ERBB4: variants seen among roughly 807,000 people sequenced by gnomAD.
The protein encoded by ERBB4 is receptor tyrosine-protein kinase erbB-4.
In ERBB4, 42 loss-of-function variants were observed where a neutral mutation model predicts 158.0. The ratio of observed to expected loss-of-function variants is 0.27; its 90% CI spans 0.21 to 0.34. ERBB4 has a LOEUF of 0.34. Ranked by LOEUF, ERBB4 falls within the 10% of genes least tolerant of loss-of-function variation. The pLI is 1.00. For synonymous variants in ERBB4, 583 were observed against 558.7 expected (o/e 1.04, Z -0.61); for missense variants, 1,333 against 1,624.1 (o/e 0.82, Z 3.08).
chr2:211,713,428 T>C, intron 8 of ERBB4, 107 bp downstream of exon 8: 1 of 728,224 alleles, frequency 1.4e-6, no homozygotes, highest in Non-Finnish European at 2.5e-6. Context: ...TGGGTAGGTT[T>C]GGTTGTGAGA....
chr2:212,466,717 A>C (rs181189646), intron 1 of ERBB4, among the ~76,000 whole-genome samples: 1 of 152,334 alleles, frequency 6.6e-6, no homozygotes, highest in East Asian at 1.9e-4. Flanking sequence ...AATGCAGTAC[A>C]TTGGTACCAG....
chr2:212,432,039 C>A (rs570369541), intron 1 of ERBB4, among the ~76,000 whole-genome samples: 1 of 152,200 alleles, frequency 6.6e-6, no homozygotes, highest in East Asian at 1.9e-4. Flanking sequence ...GATTGTTTTC[C>A]AATGATTAGA....
intron 3 of ERBB4, among the ~76,000 whole-genome samples, chr2:211,878,996 G>T (rs571827710): frequency 1.2e-4 from 18 of 152,192 alleles, no homozygotes; most frequent in African/African-American, 4.3e-4. Context: ...ATTTATGTGT[G>T]TCCTCTAACC....
chr2:211,384,142 T>G, intron 27 of ERBB4, 82 bp from the exon 28 acceptor site: 1 of 1,012,296 alleles, frequency 9.9e-7, no homozygotes. Flanking sequence ...ATGGTTAGCT[T>G]CTTTGTCTAG....
At chr2:212,173,214 T>A (rs1410643307) in intron 1 of ERBB4, among the ~76,000 whole-genome samples, 1 of 151,862 alleles carries the variant, frequency 6.6e-6, no homozygotes, top group Admixed American at 6.6e-5. Flanking sequence ...GATTTTGTAT[T>A]CAAGAAAGAA....
chr2:211,440,043 C>CA (rs2063939099), intron 20 of ERBB4, among the ~76,000 whole-genome samples: 2 of 151,986 alleles, frequency 1.3e-5, no homozygotes, highest in African/African-American at 4.8e-5. Context: ...TTAAGAAAAC[C>CA]AAAAAATAAA....
At chr2:211,738,168 C>T (rs184858091) in intron 5 of ERBB4, among the ~76,000 whole-genome samples, 76 of 151,948 alleles carry the variant, frequency 5.0e-4, no homozygotes, top group Admixed American at 2.4e-3. Context: ...CAAGCTCATA[C>T]TTTCTTTCTT....
At chr2:211,561,655 C>T (rs886658286) in intron 20 of ERBB4, 6 of 496,400 alleles carry the variant, frequency 1.2e-5, no homozygotes, top group Admixed American at 9.7e-5. Flanking sequence ...CCCTGACTAC[C>T]AAGCTATTTG....
intron 20 of ERBB4, among the ~76,000 whole-genome samples, chr2:211,505,083 A>G (rs1288767432): frequency 2.6e-5 from 4 of 152,100 alleles, no homozygotes; most frequent in Admixed American, 2.0e-4. Context: ...AGATATCCAG[A>G]TACAAGAGAT....
At chr2:211,434,234 A>C (rs2063803053) in intron 20 of ERBB4, among the ~76,000 whole-genome samples, 1 of 152,192 alleles carries the variant, frequency 6.6e-6, no homozygotes, top group Non-Finnish European at 1.5e-5. Flanking sequence ...TTCACCAAAA[A>C]ATTTAAAACT....
intron 12 of ERBB4, among the ~76,000 whole-genome samples, chr2:211,689,465 T>C (rs930893639): frequency 6.6e-6 from 1 of 152,164 alleles, no homozygotes; most frequent in South Asian, 2.1e-4. Context: ...CCCAAAGTGC[T>C]GGGATTACAG....
intron 5 of ERBB4, among the ~76,000 whole-genome samples, chr2:211,741,381 C>T (rs573128632): frequency 2.2e-4 from 34 of 151,826 alleles, no homozygotes; most frequent in African/African-American, 8.0e-4. Flanking sequence ...GCTATCTGCA[C>T]AACACCCCAC....
intron 12 of ERBB4, among the ~76,000 whole-genome samples, chr2:211,683,483 C>T (rs1472847962): frequency 6.6e-6 from 1 of 152,078 alleles, no homozygotes; most frequent in African/African-American, 2.4e-5. Context: ...AATACATATG[C>T]AGAGATTCAT....
intron 1 of ERBB4, among the ~76,000 whole-genome samples, chr2:212,481,602 C>T (rs1689701107): frequency 6.6e-6 from 1 of 152,088 alleles, no homozygotes; most frequent in Admixed American, 6.6e-5. Context: ...CTTTTCAACG[C>T]TAAAACAACA....
At chr2:212,399,809 G>C (rs527332183) in intron 1 of ERBB4, among the ~76,000 whole-genome samples, 277 of 151,814 alleles carry the variant, frequency 1.8e-3, no homozygotes, top group Admixed American at 3.2e-3. Context: ...AATCCAGGAG[G>C]TGGAGGTTGC....
chr2:212,053,616 T>C (rs1220904931), intron 2 of ERBB4, among the ~76,000 whole-genome samples: 1 of 152,178 alleles, frequency 6.6e-6, no homozygotes, highest in Non-Finnish European at 1.5e-5. Flanking sequence ...TTCCCTTTGT[T>C]CTTGGAATAG....
intron 25 of ERBB4, among the ~76,000 whole-genome samples, chr2:211,413,451 CAAAT>C (rs1427227053): frequency 1.3e-5 from 2 of 150,888 alleles, no homozygotes; most frequent in African/African-American, 4.9e-5. Context: ...TAAAAACAAA[CAAAT>C]AAACAAAAAC....
At chr2:212,428,432 C>T (rs1310796874) in intron 1 of ERBB4, among the ~76,000 whole-genome samples, 4 of 151,672 alleles carry the variant, frequency 2.6e-5, no homozygotes, top group African/African-American at 4.8e-5. Context: ...GAAACCTAAA[C>T]CAGGAAGAAA....
chr2:212,535,064 AAAT>A (rs1419697481), intron 1 of ERBB4, among the ~76,000 whole-genome samples: 2 of 152,186 alleles, frequency 1.3e-5, no homozygotes, highest in Non-Finnish European at 2.9e-5. Flanking sequence ...TGATTAAAAT[AAAT>A]AAAAGCAGTT....
Sources: gnomAD v4.1 joint callset for allele counts (sites outside exome capture counted in the v4.1 genomes callset) on GRCh38, gnomAD v4.1.1 for gene constraint, MANE v1.5 for transcripts, NCBI Gene and HGNC (gene_info 2026-07-23, HGNC 2026-07-21) for gene names.